The following ZNF76 variants were observed in gnomAD, a reference collection of about 807,000 sequenced individuals.
ZNF76 encodes the protein zinc finger protein 523.
ZNF76 carries 66 observed loss-of-function variants against 66.9 expected under a neutral mutation model. That is an observed-to-expected ratio of 0.99 (90% CI 0.81 to 1.21). The LOEUF (loss-of-function observed/expected upper bound fraction) is 1.21. Among genes scored for constraint, ZNF76 ranks in the 50% most tolerant of loss-of-function variants. The pLI is 0.00. For missense variants in ZNF76, 729 were observed against 760.3 expected, an observed-to-expected ratio of 0.96 and a Z score of 0.48; for synonymous variants, 275 against 296.1, an observed-to-expected ratio of 0.93 and a Z score of 0.73.
intron 1 of ZNF76, among the ~76,000 whole-genome samples, chr6:35,276,363 C>T (rs1295714589): frequency 2.6e-5 from 4 of 152,180 alleles, no homozygotes; most frequent in Non-Finnish European, 5.9e-5. Context: ...TGTTTTAGGA[C>T]TTCGTATTGC....
In ZNF76 at chr6:35,293,057, G is replaced by T; in HGVS notation, c.1329+13G>T. On this transcript the variant is annotated intron_variant, in intron 11 of 13. Transcript: ENST00000373953. ...TGGTGCCCAGCAGGTACAGGCCCTG[G>T]AGGGCAGAGGTGCCATACTAGCTGG... 2 of 1,612,898 alleles carry T rather than the reference G, an allele frequency of 1.2e-6. No individual in the cohort carries two copies. Among genetic ancestry groups the T allele is most frequent in the Non-Finnish European group, 8.5e-7 (1 of 1,179,480 alleles).
At chr6:35,277,656 A>T (rs1404784246) in intron 1 of ZNF76, among the ~76,000 whole-genome samples, 3 of 152,228 alleles carry the variant, frequency 2.0e-5, no homozygotes, top group East Asian at 3.8e-4. Context: ...TTAGAACTAA[A>T]TGAGTTAATG....
intron 1 of ZNF76, 30 bp downstream of exon 1, chr6:35,259,871 C>T (rs1256568612): frequency 6.6e-6 from 1 of 152,338 alleles, no homozygotes; most frequent in Non-Finnish European, 1.5e-5. Context: ...GTGGGCCAAC[C>T]ATGCCCAGGG....
chr6:35,273,702 AC>A (rs1386498135), intron 1 of ZNF76, among the ~76,000 whole-genome samples: 1 of 130,376 alleles, frequency 7.7e-6, no homozygotes, highest in African/African-American at 2.9e-5. Context: ...AATTGCTTGA[AC>A]CCGGGAGACT....
rs868205902 is a variant in ZNF76, at chr6:35,287,945, C to T, written c.432+100C>T. On this transcript the variant is annotated intron_variant, in intron 5 of 13. Transcript: ENST00000373953. The surrounding 1 kb of genome is among the most constrained non-coding windows in gnomAD (Gnocchi z 4.0). ...GCCAGAACTTCACCTCTCAAGAGGA[C>T]AAGGGCAGCCCTGTGCTTGGGCACC... 15 of 1,355,124 alleles carry T rather than the reference C, an allele frequency of 1.1e-5. No individual in the cohort carries two copies. In the Middle Eastern group the frequency reaches 2.5e-3, roughly 224 times the overall value. The allele number at this position is 1,355,124 out of a possible 1,614,324, so 83.9% of individuals were successfully genotyped here. A position where few individuals can be genotyped will look rare whatever the true frequency, so the allele number is the denominator to read the frequency against.
At chr6:35,294,093 G>T in intron 12 of ZNF76, 178 bp downstream of exon 12, 1 of 703,836 alleles carries the variant, frequency 1.4e-6, no homozygotes, top group Non-Finnish European at 2.3e-6. Flanking sequence ...AAAAGCAGTT[G>T]AATGGAGGTC....
intron 1 of ZNF76, among the ~76,000 whole-genome samples, chr6:35,274,339 A>G (rs1562098789): frequency 6.6e-6 from 1 of 152,224 alleles, no homozygotes; most frequent in East Asian, 1.9e-4. Flanking sequence ...CCTTGTTCCA[A>G]CTGTCCAGAG....
chr6:35,292,430 C>T lies in ZNF76; in HGVS notation c.932-124C>T. On this transcript the variant is annotated intron_variant, in intron 9 of 13. Coordinates refer to ENST00000373953, the MANE Select transcript of ZNF76 (RefSeq NM_003427.5). This position sits in a 1 kb window ranked among gnomAD's most constrained non-coding sequence, Gnocchi z 4.7. ...CCCCAACCCTGTCCATTCAGAGTCT[C>T]AGGTCTCAGTCCCTCTCCCTCCCTC... The T allele has an allele frequency of 4.3e-6, 4 of 934,476 alleles. No homozygotes were observed. The highest frequency in any genetic ancestry group is 6.7e-6 in the Non-Finnish European group (4 of 599,400). 57.9% of individuals were successfully genotyped at this position (934,476 alleles called of 1,614,324 possible).
intron 2 of ZNF76, among the ~76,000 whole-genome samples, chr6:35,283,744 A>G (rs1789122190): frequency 6.6e-6 from 1 of 152,138 alleles, no homozygotes. Flanking sequence ...TCAGAACCCC[A>G]AGTACTGATG....
intron 1 of ZNF76, among the ~76,000 whole-genome samples, chr6:35,267,490 A>G (rs894678875): frequency 1.6e-4 from 25 of 152,202 alleles, no homozygotes; most frequent in Non-Finnish European, 2.9e-4. Context: ...ACATGATAAT[A>G]TATGTGTATC....
In ZNF76 at chr6:35,292,885, C is replaced by A; in HGVS notation, c.1170C>A (p.Ala390=). The change falls in exon 11 of 14, where the codon GCC becomes GCA. Residue 390 remains alanine (A), a synonymous_variant. Transcript: ENST00000373953. The surrounding 1 kb of genome is among the most constrained non-coding windows in gnomAD (Gnocchi z 4.7). ...ALYEQQQLEA[A]SAAEESPPPK... ...GCCTTGGCTCTCCTCTCCCAGCCGC[C>A]TCTGCAGCCGAGGAGAGTCCGCCAC... is the stretch of plus-strand genomic sequence containing the variant. 6.2e-7 allele frequency: 1 copy of A among 1,614,200 alleles called. No individual in the cohort carries two copies. Among genetic ancestry groups the A allele is most frequent in the Non-Finnish European group, 8.5e-7 (1 of 1,180,030 alleles).
intron 1 of ZNF76, among the ~76,000 whole-genome samples, chr6:35,272,247 G>C (rs1562095433): frequency 6.6e-6 from 1 of 152,184 alleles, no homozygotes; most frequent in Admixed American, 6.5e-5. Context: ...TTCAAGACCA[G>C]CCTGGGCAAC....
At chr6:35,285,296 GGA>G (rs1447858320) in intron 2 of ZNF76, among the ~76,000 whole-genome samples, 4 of 152,190 alleles carry the variant, frequency 2.6e-5, no homozygotes, top group Admixed American at 2.6e-4. Context: ...CAGTGGCAGT[GGA>G]ATAAGACCTT....
chr6:35,271,846 T>C (rs938005589), intron 1 of ZNF76, among the ~76,000 whole-genome samples: 3 of 152,198 alleles, frequency 2.0e-5, no homozygotes, highest in Admixed American at 2.0e-4. Flanking sequence ...TCTAGCACTT[T>C]GTTGAGGCTA....
chr6:35,260,683 G>A (rs1036889748), intron 1 of ZNF76, among the ~76,000 whole-genome samples: 2 of 152,168 alleles, frequency 1.3e-5, no homozygotes, highest in Non-Finnish European at 2.9e-5. Flanking sequence ...CTGTGCTTTA[G>A]GGACCTGTGA....
In ZNF76 at chr6:35,295,198, C is replaced by T. The variant is rs751760034; in HGVS notation, c.1663C>T (p.Gln555Ter). The T allele has an allele frequency of 6.2e-7, 1 of 1,612,002 alleles. No homozygotes were observed. The highest frequency in any genetic ancestry group is 8.5e-7 in the Non-Finnish European group (1 of 1,179,130). ...EAINVATAAMQQGAVTLETTV... is the reference protein window; with the variant it reads ...EAINVATAAM ...CATCAATGTGGCCACTGCGGCCATG[C>T]AGCAAGGGGCTGTGACCCTGGAGAC... The change falls in exon 14 of 14, where the codon CAG (glutamine) becomes TAG (stop). Residue 555 changes from glutamine to a stop codon, truncating the protein, a stop_gained. Transcript: ENST00000373953. LOFTEE classifies it high-confidence loss of function.
At chr6:35,293,090 C>T (rs748726569) in intron 11 of ZNF76, 46 bp downstream of exon 11, 21 of 1,595,532 alleles carry the variant, frequency 1.3e-5, no homozygotes, top group South Asian at 2.3e-5. Context: ...TGGCACTCTC[C>T]ACTCTCTCTG....
At chr6:35,271,526 CG>C (rs1456329760) in intron 1 of ZNF76, among the ~76,000 whole-genome samples, 1 of 152,114 alleles carries the variant, frequency 6.6e-6, no homozygotes, top group East Asian at 1.9e-4. Context: ...AAAAATTTCC[CG>C]GGGGTGATGG....
At chr6:35,284,848 C>T (rs1487347526) in intron 2 of ZNF76, among the ~76,000 whole-genome samples, 1 of 152,050 alleles carries the variant, frequency 6.6e-6, no homozygotes, top group Non-Finnish European at 1.5e-5. Flanking sequence ...GTAACTGGGA[C>T]CACAGGCATG....
Sources: gnomAD v4.1 joint callset for allele counts (sites outside exome capture counted in the v4.1 genomes callset) on GRCh38, gnomAD v4.1.1 for gene constraint, Gnocchi (gnomAD v3.1) non-coding constraint, MANE v1.5 for transcripts, NCBI Gene and HGNC (gene_info 2026-07-23, HGNC 2026-07-21) for gene names.